Variants in STAG2 observed in about 807,000 individuals in gnomAD.
STAG2 encodes the protein cohesin subunit SA-2.
In STAG2, 14 loss-of-function variants were observed where a neutral mutation model predicts 108.1. The ratio of observed to expected loss-of-function variants is 0.13; its 90% CI spans 0.09 to 0.20. STAG2 has a LOEUF of 0.20. Among genes scored for constraint, STAG2 ranks in the 10% least tolerant of loss-of-function variants. STAG2 has a pLI of 1.00. For synonymous variants in STAG2, 307 were observed against 302.7 expected (o/e 1.01, Z -0.15); for missense variants, 440 against 940.9 (o/e 0.47, Z 6.96).
intron 6 of STAG2, among the ~76,000 whole-genome samples, chrX:124,041,354 T>G (rs1191725579): frequency 2.7e-5 from 3 of 110,323 alleles, no homozygotes; most frequent in African/African-American, 9.9e-5. Flanking sequence ...TCTTTTAGCC[T>G]TAGCCTAAGC....
intron 20 of STAG2, among the ~76,000 whole-genome samples, chrX:124,064,487 A>G (rs1171168914): frequency 1.9e-5 from 2 of 103,434 alleles, no homozygotes; most frequent in African/African-American, 7.2e-5. Flanking sequence ...TCTGTTGCCC[A>G]GGCTGGAGCG....
Position 123,992,123 on chromosome X carries a change from G to C in STAG2, c.-162-29244G>C, listed in dbSNP as rs780430265. ...CTATGGATTTTGGTGTCCTTGGGGT[G>C]TGCTGGAACCAATCCCCCATGGATA... On this transcript the variant is annotated intron_variant, in intron 1 of 34. Coordinates refer to ENST00000371145, the MANE Select transcript of STAG2 (RefSeq NM_001042750.2). 5.5e-4 allele frequency among the ~76,000 whole-genome samples: 61 copies of C among 111,696 alleles called. 1 individual carries two copies. Among genetic ancestry groups the C allele is most frequent in the Middle Eastern group, 9.2e-3 (2 of 217 alleles).
intron 1 of STAG2, among the ~76,000 whole-genome samples, chrX:123,987,742 A>G (rs1402142325): frequency 8.9e-6 from 1 of 112,236 alleles, no homozygotes; most frequent in Non-Finnish European, 1.9e-5. Context: ...ATGAGAAAAT[A>G]AGGGATAATT....
Position 124,078,027 on chromosome X carries a change from G to A in STAG2, c.2744G>A (p.Cys915Tyr). The A allele has an allele frequency of 8.4e-7, 1 of 1,196,552 alleles. No individual in the cohort carries two copies. The highest frequency in any genetic ancestry group is 1.8e-5 in the South Asian group (1 of 54,079). ...ACAAGGCAGATAGACAAAATTCAGT[G>A]TGCTAAGACCCTTATTCTCAGTCTG... is the stretch of plus-strand genomic sequence containing the variant. ...SKTRQIDKIQ[C>Y]AKTLILSLQQ... is the part of the protein sequence containing the mutation. Residue 915 changes from cysteine (C) to tyrosine (Y), a missense_variant, in exon 27 of 35, where the codon TGT becomes TAT. This residue lies in a region of STAG2 where 337 missense variants were observed against 649.3 expected (regional missense o/e 0.52). Coordinates refer to ENST00000371145, the MANE Select transcript of STAG2 (RefSeq NM_001042750.2).
At chrX:124,076,513 A>G in intron 26 of STAG2, 42 bp downstream of exon 26, 1 of 1,089,271 alleles carries the variant, frequency 9.2e-7, no homozygotes, top group South Asian at 2.6e-5. Context: ...TTAAAATGCA[A>G]CGCTAGTTTT....
intron 1 of STAG2, among the ~76,000 whole-genome samples, chrX:123,967,256 ATTTTTTTTTTTTTTT>A (rs1177101640): frequency 2.0e-5 from 1 of 50,228 alleles, no homozygotes; most frequent in Non-Finnish European, 3.5e-5. Flanking sequence ...TCAATGGTGT[ATTTTTTTTTTTTTTT>A]TTTTTTTTTT....
intron 1 of STAG2, among the ~76,000 whole-genome samples, chrX:123,970,166 G>A (rs1283844537): frequency 9.2e-6 from 1 of 108,860 alleles, no homozygotes; most frequent in Non-Finnish European, 1.9e-5. Flanking sequence ...TTTTTTCCCA[G>A]GTGATGAACA....
chrX:123,968,558 G>A (rs1167655500), intron 1 of STAG2, among the ~76,000 whole-genome samples: 1 of 111,363 alleles, frequency 9.0e-6, no homozygotes, highest in Non-Finnish European at 1.9e-5. Context: ...TACTGGGGAG[G>A]CTGAGGTGGG....
At chrX:123,983,327 C>T (rs1162877426) in intron 1 of STAG2, among the ~76,000 whole-genome samples, 1 of 109,839 alleles carries the variant, frequency 9.1e-6, no homozygotes, top group Non-Finnish European at 1.9e-5. Context: ...TCTCCTAGTT[C>T]ATTTCAATTT....
chrX:123,981,114 T>C (rs754617558), intron 1 of STAG2, among the ~76,000 whole-genome samples: 3 of 111,383 alleles, frequency 2.7e-5, no homozygotes, highest in East Asian at 5.6e-4. Context: ...ACTTTTCTCA[T>C]TCCAGAAGTT....
chrX:124,097,764 A>G, intron 34 of STAG2: 1 of 294,587 alleles, frequency 3.4e-6, no homozygotes, highest in Non-Finnish European at 6.9e-6. Context: ...GCTCAGTTAT[A>G]CAGTTAGCAA....
intron 1 of STAG2, among the ~76,000 whole-genome samples, chrX:123,985,888 A>C (rs912582081): frequency 1.8e-5 from 2 of 109,577 alleles, no homozygotes; most frequent in African/African-American, 3.3e-5. Context: ...CTTTCAGAGG[A>C]GCTAAGAAAC....
At chrX:124,052,624 G>C (rs1386177869) in intron 13 of STAG2, among the ~76,000 whole-genome samples, 1 of 111,222 alleles carries the variant, frequency 9.0e-6, no homozygotes, top group Non-Finnish European at 1.9e-5. Context: ...CAGTAATGCT[G>C]CTATGAACAT....
chrX:124,020,741 G>A (rs1425897718), intron 1 of STAG2, among the ~76,000 whole-genome samples: 4 of 111,568 alleles, frequency 3.6e-5, no homozygotes, highest in Non-Finnish European at 7.5e-5. Flanking sequence ...ACAGAGTCTC[G>A]CTTTGTCACC....
At chrX:124,097,292 A>G (rs1313382869) in intron 34 of STAG2, among the ~76,000 whole-genome samples, 1 of 110,358 alleles carries the variant, frequency 9.1e-6, no homozygotes, top group Non-Finnish European at 1.9e-5. Flanking sequence ...TGCAAACCAT[A>G]CTTTGAGTAG....
At chrX:123,961,233 G>C (rs1174433296), upstream of STAG2, 2 of 105,707 alleles carry the variant, frequency 1.9e-5, no homozygotes, top group African/African-American at 7.0e-5. Flanking sequence ...TCTTCTTTTC[G>C]ACTACCCTCG....
intron 32 of STAG2, among the ~76,000 whole-genome samples, chrX:124,091,528 T>C (rs1485095295): frequency 8.9e-6 from 1 of 112,587 alleles, no homozygotes; most frequent in Non-Finnish European, 1.9e-5. Context: ...TGTTTCAAAA[T>C]ATGGCCCCTG....
At chrX:123,974,309 T>C (rs1303870473) in intron 1 of STAG2, among the ~76,000 whole-genome samples, 1 of 107,582 alleles carries the variant, frequency 9.3e-6, no homozygotes, top group Non-Finnish European at 1.9e-5. Flanking sequence ...CTTGGCTTAC[T>C]GAAACCTCCA....
intron 9 of STAG2, among the ~76,000 whole-genome samples, chrX:124,048,692 A>C (rs1380822615): frequency 9.0e-6 from 1 of 111,476 alleles, no homozygotes; most frequent in Non-Finnish European, 1.9e-5. Flanking sequence ...GGCCTCCCCG[A>C]GTGCTGAGAT....
Sources: gnomAD v4.1 joint callset for allele counts (sites outside exome capture counted in the v4.1 genomes callset) on GRCh38, gnomAD v4.1.1 for gene constraint, gnomAD v4.1.1 regional missense constraint, MANE v1.5 for transcripts, NCBI Gene and HGNC (gene_info 2026-07-23, HGNC 2026-07-21) for gene names.